The following CSMD1 variants were observed in gnomAD, a reference collection of about 807,000 sequenced individuals.
CSMD1 encodes the protein CUB and Sushi multiple domains 1, also known as CUB and sushi domain-containing protein 1.
In CSMD1, 213 loss-of-function variants were observed where a neutral mutation model predicts 417.5. The ratio of observed to expected loss-of-function variants is 0.51; its 90% CI spans 0.46 to 0.57. CSMD1 has a LOEUF of 0.57. CSMD1 is among the 20% of genes least tolerant of loss of function. The pLI, the probability that CSMD1 is intolerant of heterozygous loss-of-function variation, is 0.00. For missense variants in CSMD1, 6,923 were observed against 4,529.7 expected, an observed-to-expected ratio of 1.53 and a Z score of -15.17; for synonymous variants, 2,862 against 1,736.8, an observed-to-expected ratio of 1.65 and a Z score of -16.11.
intron 5 of CSMD1, among the ~76,000 whole-genome samples, chr8:3,888,959 T>G (rs1309836197): frequency 6.6e-6 from 1 of 152,218 alleles, no homozygotes; most frequent in Non-Finnish European, 1.5e-5. Flanking sequence ...ATTAATTGTA[T>G]TATATTTAAA....
In CSMD1 at chr8:4,109,542, G is replaced by C. The variant is rs925447532; in HGVS notation, c.416-77443C>G. ...TTGTCAGTAGTCACTGAAGTTTTCAGGCAAAATTGACCATCATTTCCCAGT... is the reference window on the plus strand; with the variant it reads ...TTGTCAGTAGTCACTGAAGTTTTCACGCAAAATTGACCATCATTTCCCAGT... On this transcript the variant is annotated intron_variant, in intron 3 of 69. Transcript: ENST00000635120. Among the ~76,000 whole-genome samples, 2 of 152,042 alleles carry C rather than the reference G, an allele frequency of 1.3e-5. 1 individual carries two copies. The highest frequency in any genetic ancestry group is 4.1e-4 in the South Asian group (2 of 4,830).
intron 1 of CSMD1, among the ~76,000 whole-genome samples, chr8:4,941,741 G>T (rs1292896817): frequency 1.3e-5 from 2 of 152,092 alleles, no homozygotes; most frequent in Non-Finnish European, 2.9e-5. Context: ...TGGGACCACA[G>T]GCATGTGCCA....
At chr8:3,365,746 A>G (rs984023319) in intron 20 of CSMD1, among the ~76,000 whole-genome samples, 5 of 152,196 alleles carry the variant, frequency 3.3e-5, no homozygotes, top group African/African-American at 1.2e-4. Context: ...GTCAAGAGTT[A>G]CCCTCAGGTT....
At chr8:4,207,007 T>C (rs978978897) in intron 3 of CSMD1, among the ~76,000 whole-genome samples, 1 of 152,192 alleles carries the variant, frequency 6.6e-6, no homozygotes, top group Non-Finnish European at 1.5e-5. Flanking sequence ...TTTTAGTAGA[T>C]AAGATCACAT....
At chr8:4,149,613 C>A (rs1796459831) in intron 3 of CSMD1, among the ~76,000 whole-genome samples, 1 of 152,160 alleles carries the variant, frequency 6.6e-6, no homozygotes, top group East Asian at 1.9e-4. Context: ...ACAACTGGTC[C>A]TTCTGTCTGT....
intron 10 of CSMD1, among the ~76,000 whole-genome samples, chr8:3,525,215 T>C (rs1412509029): frequency 1.3e-5 from 2 of 152,168 alleles, no homozygotes; most frequent in African/African-American, 2.4e-5. Context: ...ATTCAGGATT[T>C]GACCTTCCTT....
chr8:3,560,002 G>C (rs1228894695), intron 10 of CSMD1, among the ~76,000 whole-genome samples: 1 of 152,124 alleles, frequency 6.6e-6, no homozygotes, highest in Non-Finnish European at 1.5e-5. Flanking sequence ...AACAAGATGA[G>C]TGGCCAGCGT....
chr8:3,685,782 A>T (rs891857540), intron 7 of CSMD1, among the ~76,000 whole-genome samples: 3 of 151,904 alleles, frequency 2.0e-5, no homozygotes, highest in Admixed American at 6.6e-5. Flanking sequence ...CTATGGGTAC[A>T]TTGAAGTTAT....
intron 55 of CSMD1, among the ~76,000 whole-genome samples, chr8:2,975,298 C>T (rs2128935313): frequency 6.6e-6 from 1 of 152,224 alleles, no homozygotes; most frequent in African/African-American, 2.4e-5. Flanking sequence ...ACTCTGTAAT[C>T]CAGATTAAAA....
At chr8:3,698,285 A>G (rs1365848257) in intron 7 of CSMD1, among the ~76,000 whole-genome samples, 1 of 152,228 alleles carries the variant, frequency 6.6e-6, no homozygotes, top group Non-Finnish European at 1.5e-5. Context: ...ATTTTTTACA[A>G]TCTACTACAT....
chr8:3,952,522 T>C (rs185744168), intron 5 of CSMD1, among the ~76,000 whole-genome samples: 5 of 152,288 alleles, frequency 3.3e-5, no homozygotes, highest in Admixed American at 3.3e-4. Flanking sequence ...CAAAACCTCC[T>C]TCAGGTTTGG....
At chr8:3,896,589 G>A (rs1047765790) in intron 5 of CSMD1, among the ~76,000 whole-genome samples, 10 of 151,812 alleles carry the variant, frequency 6.6e-5, no homozygotes, top group South Asian at 2.1e-4. Flanking sequence ...TCGGCTCACC[G>A]CAAGCTCTGC....
intron 2 of CSMD1, among the ~76,000 whole-genome samples, chr8:4,454,604 G>C (rs954416097): frequency 6.6e-6 from 1 of 152,182 alleles, no homozygotes; most frequent in Non-Finnish European, 1.5e-5. Flanking sequence ...GCTGGGGAAG[G>C]AGGGCATAGC....
chr8:3,258,525 G>A (rs1436842878), intron 26 of CSMD1, among the ~76,000 whole-genome samples: 2 of 152,192 alleles, frequency 1.3e-5, no homozygotes, highest in Non-Finnish European at 2.9e-5. Context: ...CATTATGGAA[G>A]ACAGTGTGGT....
chr8:3,388,641 A>G (rs1251723888), intron 17 of CSMD1, among the ~76,000 whole-genome samples: 1 of 152,342 alleles, frequency 6.6e-6, no homozygotes, highest in East Asian at 1.9e-4. Context: ...GAGTGCTATA[A>G]CTTGGGCCTG....
At chr8:3,806,294 A>G (rs531282816) in intron 5 of CSMD1, among the ~76,000 whole-genome samples, 1 of 152,290 alleles carries the variant, frequency 6.6e-6, no homozygotes, top group African/African-American at 2.4e-5. Context: ...GTCTATCGTA[A>G]TGATGGCCTT....
chr8:4,017,135 G>T (rs1212940021), intron 4 of CSMD1, among the ~76,000 whole-genome samples: 1 of 152,160 alleles, frequency 6.6e-6, no homozygotes, highest in Non-Finnish European at 1.5e-5. Flanking sequence ...CCATGCAATT[G>T]TACATATCTA....
chr8:3,469,836 G>C (rs763441286), intron 11 of CSMD1, among the ~76,000 whole-genome samples: 17 of 152,222 alleles, frequency 1.1e-4, no homozygotes, highest in Admixed American at 6.5e-4. Context: ...AAATTGAAAA[G>C]AGGAAACTAT....
chr8:3,107,685 G>A (rs1376180660), intron 45 of CSMD1, 33 bp downstream of exon 45: 1 of 1,237,798 alleles, frequency 8.1e-7, no homozygotes, highest in Non-Finnish European at 1.2e-6. Flanking sequence ...ATGTCGTGCT[G>A]AATTCATGGT....
Sources: gnomAD v4.1 joint callset for allele counts (sites outside exome capture counted in the v4.1 genomes callset) on GRCh38, gnomAD v4.1.1 for gene constraint, MANE v1.5 for transcripts, NCBI Gene and HGNC (gene_info 2026-07-23, HGNC 2026-07-21) for gene names.